Variants in SPATA17 observed in about 807,000 individuals in gnomAD.
SPATA17 encodes the protein spermatogenesis associated 17.
SPATA17 carries 53 observed loss-of-function variants against 62.2 expected under a neutral mutation model. The observed-to-expected ratio is 0.85, with a 90% confidence interval of 0.68 to 1.07. The LOEUF is 1.07. SPATA17 is among the 50% of genes least tolerant of loss of function. The pLI is 0.00. For missense variants in SPATA17, 466 were observed against 425.5 expected (o/e 1.10, Z -0.84); for synonymous variants, 146 against 146.8 (o/e 0.99, Z 0.04).
intron 1 of SPATA17, among the ~76,000 whole-genome samples, chr1:217,632,941 T>A (rs906723656): frequency 1.1e-4 from 16 of 152,230 alleles, no homozygotes; most frequent in African/African-American, 3.1e-4. Flanking sequence ...CTCATGCCTG[T>A]AATCCCAGCA....
chr1:217,673,194 T>A (rs1670869273), intron 4 of SPATA17, among the ~76,000 whole-genome samples: 1 of 152,162 alleles, frequency 6.6e-6, no homozygotes, highest in Admixed American at 6.5e-5. Context: ...GCAGTTCGTA[T>A]GTAAATGGAA....
intron 9 of SPATA17, among the ~76,000 whole-genome samples, chr1:217,848,119 G>T (rs1675568740): frequency 1.3e-5 from 2 of 152,134 alleles, no homozygotes; most frequent in Admixed American, 1.3e-4. Flanking sequence ...TCTAAGAACA[G>T]TAAATATTTG....
At chr1:217,640,168 CCTAA>C (rs1307617854) in intron 1 of SPATA17, among the ~76,000 whole-genome samples, 2 of 151,592 alleles carry the variant, frequency 1.3e-5, no homozygotes, top group Non-Finnish European at 2.9e-5. Flanking sequence ...GAGATAGAGG[CCTAA>C]CTTTTTCTAT....
intron 3 of SPATA17, chr1:217,665,463 A>G (rs1010006801): frequency 1.3e-5 from 2 of 152,238 alleles, no homozygotes; most frequent in African/African-American, 2.4e-5. Context: ...AAGATTAAGC[A>G]GGTATGAAGA....
At chr1:217,787,662 G>A (rs4520476) in intron 8 of SPATA17, among the ~76,000 whole-genome samples, 116,513 of 152,028 alleles carry the variant, frequency 0.77, 45,033 homozygotes, top group Non-Finnish European at 0.81. Flanking sequence ...TGTTTTCCAG[G>A]GGTATCTATT....
At chr1:217,816,387 G>A (rs1571824304) in intron 9 of SPATA17, among the ~76,000 whole-genome samples, 3 of 151,048 alleles carry the variant, frequency 2.0e-5, no homozygotes, top group Admixed American at 6.6e-5. Context: ...TGTTTTAATG[G>A]TTGCTTTATG....
rs568938740 is a variant in SPATA17, at chr1:217,736,082, G to C, written c.396-5893G>C. On this transcript the variant is annotated intron_variant, in intron 5 of 10. Coordinates refer to ENST00000366933, the MANE Select transcript of SPATA17 (RefSeq NM_138796.4). ...TATATTATTTTTCTCCTTTGGTACA[G>C]ACATTAGACAAAATCAAGAAACAGT... 9.9e-5 allele frequency among the ~76,000 whole-genome samples: 15 copies of C among 151,908 alleles called. No individual in the cohort carries two copies. In the East Asian group the frequency reaches 2.9e-3, roughly 29 times the overall value.
At chr1:217,764,835 T>A (rs1338778768) in intron 6 of SPATA17, among the ~76,000 whole-genome samples, 5 of 152,160 alleles carry the variant, frequency 3.3e-5, no homozygotes, top group Non-Finnish European at 7.4e-5. Flanking sequence ...TTATTTGCCA[T>A]CTGTGTATCT....
intron 6 of SPATA17, among the ~76,000 whole-genome samples, chr1:217,753,193 G>A (rs1344838569): frequency 6.6e-6 from 1 of 152,076 alleles, no homozygotes; most frequent in African/African-American, 2.4e-5. Context: ...CCTTGGAAGG[G>A]GCCTATGAAA....
intron 9 of SPATA17, among the ~76,000 whole-genome samples, chr1:217,862,225 A>G (rs10779304): frequency 0.75 from 114,838 of 152,120 alleles, 43,398 homozygotes; most frequent in South Asian, 0.81. Context: ...GTTTTAACAT[A>G]CATGAAAAGC....
At chr1:217,865,880 G>C (rs549588522) in intron 10 of SPATA17, among the ~76,000 whole-genome samples, 14 of 152,224 alleles carry the variant, frequency 9.2e-5, no homozygotes, top group African/African-American at 3.1e-4. Context: ...TTTGAGGCCC[G>C]ATAAGATGAG....
chr1:217,854,771 C>T (rs1469993820), intron 9 of SPATA17, among the ~76,000 whole-genome samples: 2 of 152,120 alleles, frequency 1.3e-5, no homozygotes, highest in African/African-American at 2.4e-5. Context: ...CTTCCATTTC[C>T]TTCACTTGGT....
intron 9 of SPATA17, among the ~76,000 whole-genome samples, chr1:217,812,613 C>A (rs1674618959): frequency 6.6e-6 from 1 of 152,050 alleles, no homozygotes; most frequent in African/African-American, 2.4e-5. Context: ...TTCATAAATT[C>A]TTTATTGTAC....
intron 8 of SPATA17, among the ~76,000 whole-genome samples, chr1:217,789,353 A>G (rs1380571843): frequency 6.6e-6 from 1 of 152,166 alleles, no homozygotes; most frequent in African/African-American, 2.4e-5. Flanking sequence ...TTTGCAACCT[A>G]GCTTAGATAG....
At chr1:217,717,412 C>T (rs1442142120) in intron 5 of SPATA17, among the ~76,000 whole-genome samples, 1 of 152,080 alleles carries the variant, frequency 6.6e-6, no homozygotes, top group East Asian at 1.9e-4. Flanking sequence ...GAGTTCAAAA[C>T]CAGCCTGGAC....
chr1:217,798,136 A>G (rs1406664110), intron 8 of SPATA17, among the ~76,000 whole-genome samples: 3 of 152,236 alleles, frequency 2.0e-5, no homozygotes, highest in African/African-American at 7.2e-5. Context: ...GTAATTTAAA[A>G]GATAAAACTA....
intron 3 of SPATA17, among the ~76,000 whole-genome samples, chr1:217,660,994 C>T (rs143767146): frequency 9.7e-4 from 148 of 152,082 alleles, no homozygotes; most frequent in African/African-American, 3.2e-3. Flanking sequence ...TCTTGTAAGG[C>T]GATGGTGCAA....
chr1:217,701,744 T>G (rs1463848826), intron 5 of SPATA17, among the ~76,000 whole-genome samples: 1 of 152,154 alleles, frequency 6.6e-6, no homozygotes, highest in Non-Finnish European at 1.5e-5. Context: ...TGGCTTTTAT[T>G]GGTGCTCGCA....
At chr1:217,856,645 A>G (rs1459541334) in intron 9 of SPATA17, among the ~76,000 whole-genome samples, 1 of 152,358 alleles carries the variant, frequency 6.6e-6, no homozygotes, top group Non-Finnish European at 1.5e-5. Flanking sequence ...TGAAGAATGC[A>G]TAATAAATCC....
Sources: allele counts gnomAD v4.1 joint callset (sites outside exome capture counted in the v4.1 genomes callset), GRCh38; gene constraint gnomAD v4.1.1; transcripts MANE v1.5; gene names NCBI Gene and HGNC (gene_info 2026-07-23, HGNC 2026-07-21).